SRRM4: variants seen among roughly 807,000 people sequenced by gnomAD.
The protein encoded by SRRM4 is serine/arginine repetitive matrix protein 4.
In SRRM4, 33 loss-of-function variants were observed where a neutral mutation model predicts 68.9. The observed-to-expected ratio is 0.48, with a 90% CI of 0.36 to 0.64. The LOEUF is 0.64. Among genes scored for constraint, SRRM4 ranks in the 30% least tolerant of loss-of-function variants. SRRM4 has a pLI of 0.00. For synonymous variants in SRRM4, 318 were observed against 318.8 expected, an observed-to-expected ratio of 1.00 and a Z score of 0.03; for missense variants, 817 against 827.1, an observed-to-expected ratio of 0.99 and a Z score of 0.15.
chr12:119,125,707 A>T (rs1474094467), intron 7 of SRRM4, among the ~76,000 whole-genome samples: 2 of 151,946 alleles, frequency 1.3e-5, no homozygotes, highest in Non-Finnish European at 2.9e-5. Flanking sequence ...AAATTATGAG[A>T]TCAGGAGTTC....
At chr12:119,118,155 T>C (rs1373172105) in intron 4 of SRRM4, among the ~76,000 whole-genome samples, 2 of 152,206 alleles carry the variant, frequency 1.3e-5, no homozygotes, top group African/African-American at 4.8e-5. Flanking sequence ...TTAGGACCTG[T>C]CCAGCCTGCT....
chr12:119,142,006 T>G (rs1954368325), intron 8 of SRRM4, among the ~76,000 whole-genome samples: 3 of 152,078 alleles, frequency 2.0e-5, no homozygotes, highest in African/African-American at 7.2e-5. Flanking sequence ...AGAGGAGTAT[T>G]CTAGGCAGAG....
intron 1 of SRRM4, among the ~76,000 whole-genome samples, chr12:119,012,278 C>T (rs1347596432): frequency 2.0e-5 from 3 of 152,192 alleles, no homozygotes; most frequent in African/African-American, 4.8e-5. Flanking sequence ...TGAATGAGTC[C>T]TCCCCATGGG....
chr12:119,118,742 C>T (rs973339302), intron 4 of SRRM4, among the ~76,000 whole-genome samples: 24 of 152,164 alleles, frequency 1.6e-4, no homozygotes, highest in African/African-American at 5.8e-4. Flanking sequence ...GAACAACTTT[C>T]CCATATTTGG....
chr12:119,123,678 G>A lies in SRRM4; in HGVS notation c.515+1558G>A, dbSNP rs370076454. ...CAAGAAGAATAAGGCTAGGAATCTTGAGGATTCAAGATAAACGATGGCTTA... is the reference window on the plus strand; with the variant it reads ...CAAGAAGAATAAGGCTAGGAATCTTAAGGATTCAAGATAAACGATGGCTTA... On this transcript the variant is annotated intron_variant, in intron 6 of 12. Coordinates refer to ENST00000267260, the MANE Select transcript of SRRM4 (RefSeq NM_194286.4). Among the ~76,000 whole-genome samples, 15 of 152,356 alleles carry A rather than the reference G, an allele frequency of 9.8e-5. No individual in the cohort carries two copies. The East Asian group carries it at 1.7e-3, about 18-fold the overall frequency.
chr12:119,104,585 G>A (rs1273548037), intron 2 of SRRM4, among the ~76,000 whole-genome samples: 1 of 151,760 alleles, frequency 6.6e-6, no homozygotes, highest in Non-Finnish European at 1.5e-5. Flanking sequence ...CTTTATTCCT[G>A]GAAGCAAACT....
At chr12:119,014,825 A>T (rs1348248920) in intron 1 of SRRM4, among the ~76,000 whole-genome samples, 2 of 152,174 alleles carry the variant, frequency 1.3e-5, no homozygotes, top group East Asian at 3.9e-4. Context: ...TTATGATTAC[A>T]TACAATTCTG....
intron 1 of SRRM4, among the ~76,000 whole-genome samples, chr12:119,059,331 C>A (rs1302891674): frequency 6.6e-6 from 1 of 152,106 alleles, no homozygotes; most frequent in Non-Finnish European, 1.5e-5. Context: ...CTGTGACAAC[C>A]AGATACAGGT....
At chr12:119,119,738 T>C (rs548837888) in intron 4 of SRRM4, among the ~76,000 whole-genome samples, 1 of 152,098 alleles carries the variant, frequency 6.6e-6, no homozygotes, top group South Asian at 2.1e-4. Context: ...GGCTGTCTCA[T>C]GATGATGACG....
At chr12:119,136,644 C>T (rs1039253163) in intron 8 of SRRM4, among the ~76,000 whole-genome samples, 19 of 152,000 alleles carry the variant, frequency 1.3e-4, no homozygotes, top group Admixed American at 5.2e-4. Context: ...GTCTTCAAAT[C>T]GAAAGTATTT....
In SRRM4 at chr12:119,160,289, GTCTCTCTCTCTCTCTCTCTCTCTC is replaced by G. The variant is rs55907957; in HGVS notation, c.*3502_*3525del. 1.4e-3 allele frequency: 194 copies of G among 143,258 alleles called. No homozygotes were observed. The highest frequency in any genetic ancestry group is 5.0e-3 in the African/African-American group (191 of 38,314). The allele number at this position is 143,258 out of a possible 1,614,324, so 8.9% of individuals were successfully genotyped here. A position where few individuals can be genotyped will look rare whatever the true frequency, so the allele number is the denominator to read the frequency against. On this transcript the variant is annotated 3_prime_UTR_variant, in exon 13 of 13. Coordinates refer to ENST00000267260, the MANE Select transcript of SRRM4 (RefSeq NM_194286.4). ...TGTCTCTCTCTCTGTCTCTCTCTCT[GTCTCTCTCTCTCTCTCTCTCTCTC>G]TCTCTCTCTCAGTGTATTTCTCTAC...
chr12:119,092,660 C>A (rs1266996279), intron 1 of SRRM4, among the ~76,000 whole-genome samples: 6 of 152,172 alleles, frequency 3.9e-5, no homozygotes, highest in Admixed American at 6.5e-5. Flanking sequence ...ACCCCAGCCA[C>A]CGTCTTCTTC....
At chr12:119,100,327 C>CAAAAAAAAAAAAAAAAA (rs34887621) in intron 1 of SRRM4, among the ~76,000 whole-genome samples, 2 of 105,432 alleles carry the variant, frequency 1.9e-5, no homozygotes, top group African/African-American at 7.5e-5. Context: ...CCTGTCTCTA[C>CAAAAAAAAAAAAAAAAA]AAAAAAAAAA....
rs534255108 is a variant in SRRM4 at position 119,071,881 on chromosome 12, C to A, written c.132-30355C>A. Among the ~76,000 whole-genome samples the A allele has an allele frequency of 2.6e-5, 4 of 152,350 alleles. No homozygotes were observed. In the South Asian group the frequency reaches 8.3e-4, roughly 32 times the overall value. On this transcript the variant is annotated intron_variant, in intron 1 of 12. Coordinates refer to ENST00000267260, the MANE Select transcript of SRRM4 (RefSeq NM_194286.4). ...TGGGCTGCATGTGTTTAGGACATTG[C>A]CTTCCTGGAACCTAGTCAGTGTCTG...
At chr12:119,067,577 G>A (rs563075348) in intron 1 of SRRM4, among the ~76,000 whole-genome samples, 12 of 152,188 alleles carry the variant, frequency 7.9e-5, no homozygotes, top group South Asian at 4.1e-4. Flanking sequence ...GTACAGTGGC[G>A]CGTGCCTGTA....
chr12:119,109,130 A>C (rs1256437414), intron 2 of SRRM4, among the ~76,000 whole-genome samples: 1 of 152,096 alleles, frequency 6.6e-6, no homozygotes, highest in African/African-American at 2.4e-5. Context: ...TCTTTTCTTT[A>C]AGAATGTTGA....
chr12:118,982,682 TTTTTTTTTTTTTTC>T (rs1953257291), intron 1 of SRRM4, among the ~76,000 whole-genome samples: 1 of 134,206 alleles, frequency 7.5e-6, no homozygotes, highest in South Asian at 2.4e-4. Context: ...TTTTTTTGTT[TTTTTTTTTTTTTTC>T]CAAAAAGAAT....
intron 1 of SRRM4, chr12:118,991,594 A>G (rs12830798): frequency 7.9e-5 from 12 of 152,356 alleles, no homozygotes; most frequent in African/African-American, 2.9e-4. Flanking sequence ...CGCAGCAGGG[A>G]CCAAACACAT....
intron 1 of SRRM4, among the ~76,000 whole-genome samples, chr12:119,009,327 G>C (rs923928942): frequency 8.5e-5 from 13 of 152,126 alleles, no homozygotes; most frequent in Non-Finnish European, 1.6e-4. Flanking sequence ...CCAAGAAAGG[G>C]ATGGGACGCA....
Sources: allele counts gnomAD v4.1 joint callset (sites outside exome capture counted in the v4.1 genomes callset), GRCh38; gene constraint gnomAD v4.1.1; transcripts MANE v1.5; gene names NCBI Gene and HGNC (gene_info 2026-07-23, HGNC 2026-07-21).